The following SMAD1 variants were observed in gnomAD, a reference collection of about 807,000 sequenced individuals.
SMAD1 encodes the protein MAD, mothers against decapentaplegic homolog 1.
In SMAD1, 6 loss-of-function variants were observed where a neutral mutation model predicts 41.6. That is an observed-to-expected ratio of 0.14 (90% confidence interval 0.08 to 0.28). SMAD1 has a LOEUF of 0.28. Among genes scored for constraint, SMAD1 ranks in the 10% least tolerant of loss-of-function variants. The pLI, the probability that SMAD1 is intolerant of heterozygous loss-of-function variation, is 1.00. For missense variants in SMAD1, 379 were observed against 582.6 expected, an observed-to-expected ratio of 0.65 and a Z score of 3.60; for synonymous variants, 206 against 203.2, an observed-to-expected ratio of 1.01 and a Z score of -0.12.
chr4:145,556,216 C>T (rs1280542792), intron 6 of SMAD1, among the ~76,000 whole-genome samples: 2 of 152,146 alleles, frequency 1.3e-5, no homozygotes, highest in Non-Finnish European at 2.9e-5. Flanking sequence ...CAGCTGAACA[C>T]ATATTTATAG....
At chr4:145,511,753 A>G (rs1005858894) in intron 1 of SMAD1, among the ~76,000 whole-genome samples, 5 of 152,210 alleles carry the variant, frequency 3.3e-5, no homozygotes, top group Admixed American at 3.3e-4. Context: ...GTTGCCATGC[A>G]TTTTAATTGT....
At chr4:145,481,331 G>A (rs1023273622), upstream of SMAD1, 13 of 152,104 alleles carry the variant, frequency 8.5e-5, no homozygotes, top group African/African-American at 3.1e-4. Context: ...ACAACTTCTG[G>A]GGCCTGCAAA....
At chr4:145,493,252 A>G (rs569432908) in intron 1 of SMAD1, among the ~76,000 whole-genome samples, 103 of 152,288 alleles carry the variant, frequency 6.8e-4, no homozygotes, top group Non-Finnish European at 9.7e-4. Context: ...AATCGGTCTT[A>G]ATTTTATCAG....
intron 2 of SMAD1, chr4:145,517,203 T>G (rs948766857): frequency 1.4e-4 from 22 of 152,276 alleles, no homozygotes; most frequent in African/African-American, 4.8e-4. Context: ...CCAACTTCCT[T>G]TGTACTCTTG....
At chr4:145,548,105 TGG>T (rs1161431393) in intron 5 of SMAD1, among the ~76,000 whole-genome samples, 2 of 152,316 alleles carry the variant, frequency 1.3e-5, no homozygotes, top group Non-Finnish European at 2.9e-5. Context: ...ATGGAACTCA[TGG>T]GGCATGCCTC....
Position 145,540,462 on chromosome 4 carries a change from G to A in SMAD1, c.658+401G>A, listed in dbSNP as rs142324115. 7.5e-3 allele frequency among the ~76,000 whole-genome samples: 1,142 copies of A among 152,280 alleles called. 13 individuals carry two copies. Among genetic ancestry groups the A allele is most frequent in the African/African-American group, 0.026 (1,063 of 41,558 alleles). On this transcript the variant is annotated intron_variant, in intron 3 of 6. Transcript: ENST00000302085. Reference sequence around the variant, plus strand: ...TACATGGAAAAAACTCCTGTTGCAAGTGCAACCTCAGAAAAAATATTTCCT... The same window carrying A: ...TACATGGAAAAAACTCCTGTTGCAAATGCAACCTCAGAAAAAATATTTCCT...
At chr4:145,488,433 A>G (rs544442161) in intron 1 of SMAD1, among the ~76,000 whole-genome samples, 1 of 151,970 alleles carries the variant, frequency 6.6e-6, no homozygotes, top group East Asian at 1.9e-4. Flanking sequence ...TTGTTAGGGT[A>G]TAGTTACTCC....
intron 5 of SMAD1, among the ~76,000 whole-genome samples, chr4:145,552,398 C>T (rs188268517): frequency 7.2e-5 from 11 of 152,296 alleles, no homozygotes; most frequent in Admixed American, 5.9e-4. Flanking sequence ...ATCATTTAAA[C>T]CCACATGGGA....
intron 1 of SMAD1, among the ~76,000 whole-genome samples, chr4:145,485,437 G>A (rs1027684245): frequency 9.2e-5 from 14 of 152,262 alleles, no homozygotes; most frequent in Non-Finnish European, 5.9e-5. Context: ...AGCAGTAGCC[G>A]CATTTCAAGT....
At chr4:145,500,525 A>G (rs1027782171) in intron 1 of SMAD1, among the ~76,000 whole-genome samples, 12 of 152,150 alleles carry the variant, frequency 7.9e-5, no homozygotes, top group African/African-American at 2.6e-4. Context: ...AATTCCTTTC[A>G]GGGGGCTGTT....
At chr4:145,536,566 G>A (rs1253228349) in intron 2 of SMAD1, among the ~76,000 whole-genome samples, 1 of 152,120 alleles carries the variant, frequency 6.6e-6, no homozygotes, top group East Asian at 1.9e-4. Flanking sequence ...ACTGATGACT[G>A]TTATATATAG....
chr4:145,489,795 A>G (rs1452755623), intron 1 of SMAD1, among the ~76,000 whole-genome samples: 1 of 152,208 alleles, frequency 6.6e-6, no homozygotes, highest in Non-Finnish European at 1.5e-5. Context: ...GTATTCTGAG[A>G]CAACCACAAA....
intron 1 of SMAD1, among the ~76,000 whole-genome samples, chr4:145,508,562 C>T (rs1371799403): frequency 6.6e-6 from 1 of 151,836 alleles, no homozygotes; most frequent in Non-Finnish European, 1.5e-5. Flanking sequence ...AAGTAATGAA[C>T]ACACAAAATG....
intron 1 of SMAD1, among the ~76,000 whole-genome samples, chr4:145,485,688 C>T (rs1358884799): frequency 6.6e-6 from 1 of 152,220 alleles, no homozygotes; most frequent in African/African-American, 2.4e-5. Flanking sequence ...GTTGAAGCTG[C>T]TGGATAAAAG....
In SMAD1 at chr4:145,559,088, A is replaced by G. The variant is rs1158546320; in HGVS notation, c.*1154A>G. Among the ~76,000 whole-genome samples the G allele has an allele frequency of 6.6e-6, 1 of 152,172 alleles. No homozygotes were observed. Among genetic ancestry groups the G allele is most frequent in the Non-Finnish European group, 1.5e-5 (1 of 68,040 alleles). ...CTTTTGTATTCACTTATGCTCTCGT[A>G]CATTGAGTACTTTTATTCCAAAACT... On this transcript the variant is annotated 3_prime_UTR_variant, in exon 7 of 7. Transcript: ENST00000302085.
At chr4:145,551,937 T>A (rs1732574597) in intron 5 of SMAD1, among the ~76,000 whole-genome samples, 2 of 152,228 alleles carry the variant, frequency 1.3e-5, no homozygotes, top group Admixed American at 1.3e-4. Context: ...TGGCATTAAC[T>A]ATAAAAGCAG....
chr4:145,555,287 A>G (rs991780996), intron 6 of SMAD1, among the ~76,000 whole-genome samples: 1 of 152,210 alleles, frequency 6.6e-6, no homozygotes, highest in Non-Finnish European at 1.5e-5. Flanking sequence ...TTTGGCTCAA[A>G]TGATTTTTAA....
Position 145,506,180 on chromosome 4 carries a change from GA to G in SMAD1, c.-176-8249del, listed in dbSNP as rs886907263. On this transcript the variant is annotated intron_variant, in intron 1 of 6. Coordinates refer to ENST00000302085, the MANE Select transcript of SMAD1 (RefSeq NM_005900.3). ...TTTATAAAGTTGTCTTTAAAAAAAA[GA>G]AAAAAAAAGTATCCAGCTGTTAAAC... Among the ~76,000 whole-genome samples, 348 of 150,282 alleles carry G rather than the reference GA, an allele frequency of 2.3e-3. 3 individuals are homozygous for G. The highest frequency in any genetic ancestry group is 4.2e-3 in the Non-Finnish European group (280 of 67,458).
At chr4:145,502,211 T>C (rs1338543863) in intron 1 of SMAD1, among the ~76,000 whole-genome samples, 2 of 152,140 alleles carry the variant, frequency 1.3e-5, no homozygotes, top group Non-Finnish European at 2.9e-5. Context: ...TTTACAGTGT[T>C]TGAGTTGACA....
Sources: allele counts gnomAD v4.1 joint callset (sites outside exome capture counted in the v4.1 genomes callset), GRCh38; gene constraint gnomAD v4.1.1; transcripts MANE v1.5; gene names NCBI Gene and HGNC (gene_info 2026-07-23, HGNC 2026-07-21).